Variants in SLC67A1 observed in about 807,000 individuals in gnomAD.
SLC67A1 encodes the protein solute carrier family 67 member A1.
chr11:2,909,607 G>T, the SLC67A1 span: 2 of 1,531,532 alleles, frequency 1.3e-6, no homozygotes, highest in Middle Eastern at 1.9e-4. Flanking sequence ...GGACCTGTCG[G>T]CACCCGAGGA....
At chr11:2,914,369 A>G in the SLC67A1 span, among the ~76,000 whole-genome samples, 2 of 152,210 alleles carry the variant, frequency 1.3e-5, no homozygotes, top group Middle Eastern at 3.4e-3. Context: ...CTTCCAGTCA[A>G]TGGTCCCGGG....
the SLC67A1 span, among the ~76,000 whole-genome samples, chr11:2,912,682 G>A: frequency 6.6e-6 from 1 of 152,228 alleles, no homozygotes; most frequent in African/African-American, 2.4e-5. Context: ...AGAGCCCAGG[G>A]CTGAGAGGCC....
At chr11:2,917,273 G>A in the SLC67A1 span, among the ~76,000 whole-genome samples, 6 of 152,350 alleles carry the variant, frequency 3.9e-5, no homozygotes, top group South Asian at 6.2e-4. Flanking sequence ...TGCCAGGCAC[G>A]TGGCAGGGCC....
chr11:2,918,124 G>T, the SLC67A1 span: 50 of 1,573,372 alleles, frequency 3.2e-5, 1 homozygote, highest in South Asian at 5.3e-4. Context: ...CCCAACAGCG[G>T]CCAGAGCCTG....
the SLC67A1 span, chr11:2,909,910 G>C: frequency 3.6e-6 from 2 of 554,992 alleles, no homozygotes; most frequent in African/African-American, 4.0e-5. Context: ...GATAGGGCCA[G>C]GTGATGTCCC....
chr11:2,922,024 T>A, the SLC67A1 span: 1 of 1,114,752 alleles, frequency 9.0e-7, no homozygotes, highest in Non-Finnish European at 1.4e-6. Context: ...GGTCCCCAGC[T>A]TTGGGGGCTG....
the SLC67A1 span, chr11:2,914,639 G>T: frequency 1.1e-6 from 1 of 918,038 alleles, no homozygotes; most frequent in South Asian, 5.0e-5. Flanking sequence ...ACAGGCCTTT[G>T]GTTTACCCAC....
chr11:2,907,935 A>C, the SLC67A1 span, among the ~76,000 whole-genome samples: 5 of 152,184 alleles, frequency 3.3e-5, no homozygotes, highest in Admixed American at 2.6e-4. This position sits in a 1 kb window ranked among gnomAD's most constrained non-coding sequence, Gnocchi z 6.7. Context: ...GAATGAAGAC[A>C]AAATGGTGGG....
the SLC67A1 span, among the ~76,000 whole-genome samples, chr11:2,900,049 A>ATTT: frequency 1.3e-5 from 2 of 152,052 alleles, no homozygotes; most frequent in African/African-American, 4.8e-5. Context: ...AGACACTCTG[A>ATTT]GACTCCTGTC....
At chr11:2,919,490 G>A in the SLC67A1 span, 17 of 1,006,322 alleles carry the variant, frequency 1.7e-5, no homozygotes, top group South Asian at 6.8e-5. Context: ...GCTCCTCCCC[G>A]GCGGAGGCTG....
chr11:2,904,481 G>T, the SLC67A1 span, among the ~76,000 whole-genome samples: 1 of 152,262 alleles, frequency 6.6e-6, no homozygotes. Flanking sequence ...CTGGGCAGGA[G>T]CCTTGCTTTT....
the SLC67A1 span, chr11:2,918,159 C>A: frequency 1.5e-6 from 2 of 1,304,442 alleles, no homozygotes; most frequent in South Asian, 1.3e-5. Context: ...GCGGCCAGGG[C>A]CCGGCCCTTC....
At chr11:2,903,486 G>C in the SLC67A1 span, 1 of 1,613,168 alleles carries the variant, frequency 6.2e-7, no homozygotes, top group Non-Finnish European at 8.5e-7. Context: ...TCTCCATCGT[G>C]CCAGTGAGTA....
chr11:2,919,081 A>T, the SLC67A1 span: 1 of 549,612 alleles, frequency 1.8e-6, no homozygotes, highest in Non-Finnish European at 3.3e-6. Context: ...TCCTGCTCAC[A>T]GTCCAGAGCT....
At chr11:2,918,471 G>C in the SLC67A1 span, among the ~76,000 whole-genome samples, 1 of 152,230 alleles carries the variant, frequency 6.6e-6, no homozygotes, top group Non-Finnish European at 1.5e-5. Flanking sequence ...CCTCTCAGCA[G>C]ACCGTAGGGC....
the SLC67A1 span, among the ~76,000 whole-genome samples, chr11:2,907,813 A>T: frequency 1.3e-5 from 2 of 152,228 alleles, no homozygotes; most frequent in Non-Finnish European, 1.5e-5. This position sits in a 1 kb window ranked among gnomAD's most constrained non-coding sequence, Gnocchi z 6.7. Context: ...CTCACAGAGC[A>T]GACTGTGTCC....
the SLC67A1 span, chr11:2,909,049 C>T: frequency 1.4e-6 from 1 of 693,904 alleles, no homozygotes; most frequent in Non-Finnish European, 2.3e-6. Flanking sequence ...GGAGGGAGGC[C>T]TCCCAGCAGC....
the SLC67A1 span, chr11:2,916,754 G>A: frequency 6.2e-7 from 1 of 1,605,666 alleles, no homozygotes; most frequent in Non-Finnish European, 8.5e-7. Context: ...AGCCCCGCCA[G>A]GTACACCCTG....
At chr11:2,909,562 C>G in the SLC67A1 span, 7 of 1,524,180 alleles carry the variant, frequency 4.6e-6, no homozygotes, top group Non-Finnish European at 6.1e-6. Context: ...GCTCAGCTCC[C>G]CCGCCCCGTC....
Sources: allele counts gnomAD v4.1 joint callset (sites outside exome capture counted in the v4.1 genomes callset), GRCh38; gene constraint gnomAD v4.1.1; non-coding constraint Gnocchi (gnomAD v3.1); transcripts MANE v1.5; gene names NCBI Gene and HGNC (gene_info 2026-07-23, HGNC 2026-07-21).